The following GALK2 variants were observed in gnomAD, a reference collection of about 807,000 sequenced individuals.
The protein encoded by GALK2 is galactokinase 2.
GALK2 carries 36 observed loss-of-function variants against 52.4 expected under a neutral mutation model. The observed-to-expected ratio is 0.69, with a 90% confidence interval of 0.53 to 0.91. The LOEUF (loss-of-function observed/expected upper bound fraction) is 0.91. Ranked by LOEUF, GALK2 falls within the 40% of genes least tolerant of loss-of-function variation. The pLI is 0.00. For missense variants in GALK2, 579 were observed against 559.1 expected, an observed-to-expected ratio of 1.04 and a Z score of -0.36; for synonymous variants, 176 against 199.1, an observed-to-expected ratio of 0.88 and a Z score of 0.98.
At chr15:49,178,961 C>T (rs542033595) in intron 1 of GALK2, among the ~76,000 whole-genome samples, 11 of 152,226 alleles carry the variant, frequency 7.2e-5, no homozygotes, top group Non-Finnish European at 1.6e-4. Flanking sequence ...TTAATTTGCT[C>T]TTTAACTCTT....
intron 1 of GALK2, among the ~76,000 whole-genome samples, chr15:49,178,194 A>ATTATATATATAT (rs1566907035): frequency 2.5e-5 from 1 of 39,610 alleles, no homozygotes; most frequent in African/African-American, 1.2e-4. Context: ...AAAAAGAAAT[A>ATTATATATATAT]CTATATATAT....
intron 3 of GALK2, among the ~76,000 whole-genome samples, chr15:49,352,188 G>A (rs57252806): frequency 0.17 from 25,597 of 152,146 alleles, 2,416 homozygotes; most frequent in Non-Finnish European, 0.21. Flanking sequence ...CCAAGAGCAA[G>A]CATCCCAAAA....
At chr15:49,160,294 T>C (rs1354193715) in intron 1 of GALK2, among the ~76,000 whole-genome samples, 1 of 151,900 alleles carries the variant, frequency 6.6e-6, no homozygotes, top group Non-Finnish European at 1.5e-5. Flanking sequence ...AAAAAAAGAT[T>C]AATAATAATT....
chr15:49,361,882 T>C (rs566461196), intron 3 of GALK2, among the ~76,000 whole-genome samples: 1 of 152,210 alleles, frequency 6.6e-6, no homozygotes, highest in African/African-American at 2.4e-5. Context: ...AAGCATTCCT[T>C]TTCTCTGCAA....
At chr15:49,323,501 C>T (rs2151093241) in intron 9 of GALK2, among the ~76,000 whole-genome samples, 1 of 152,214 alleles carries the variant, frequency 6.6e-6, no homozygotes, top group East Asian at 1.9e-4. Context: ...TATGGCACTT[C>T]AAAATTCCTT....
intron 8 of GALK2, among the ~76,000 whole-genome samples, chr15:49,316,632 TAAAC>T (rs145216573): frequency 0.061 from 9,218 of 151,478 alleles, 562 homozygotes; most frequent in African/African-American, 0.15. Context: ...AATAAATAAA[TAAAC>T]AAGAAAAATC....
intron 8 of GALK2, among the ~76,000 whole-genome samples, chr15:49,301,381 C>G (rs1238879952): frequency 1.5e-4 from 23 of 152,130 alleles, no homozygotes; most frequent in Admixed American, 1.5e-3. Flanking sequence ...GCCTTACCCA[C>G]AGGTAGGAAT....
intron 1 of GALK2, among the ~76,000 whole-genome samples, chr15:49,188,473 A>G (rs2086513830): frequency 6.6e-6 from 1 of 152,198 alleles, no homozygotes; most frequent in African/African-American, 2.4e-5. Flanking sequence ...TTCTCTCTCC[A>G]TGCTACATGG....
intron 8 of GALK2, 134 bp from the exon 9 acceptor site, chr15:49,319,470 C>A: frequency 1.5e-6 from 1 of 683,328 alleles, no homozygotes. Context: ...ATCCTTTCAG[C>A]AAGAGAGACC....
At chr15:49,273,969 C>G (rs1024475113) in intron 5 of GALK2, among the ~76,000 whole-genome samples, 1 of 152,112 alleles carries the variant, frequency 6.6e-6, no homozygotes, top group African/African-American at 2.4e-5. Context: ...AGGGGACACC[C>G]AGGACTAGTT....
At chr15:49,183,510 GAA>G (rs2086122767) in intron 1 of GALK2, among the ~76,000 whole-genome samples, 1 of 152,134 alleles carries the variant, frequency 6.6e-6, no homozygotes, top group South Asian at 2.1e-4. Flanking sequence ...ATTGTTTTCA[GAA>G]AAGATACATG....
At chr15:49,186,031 C>T (rs1359585136) in intron 1 of GALK2, among the ~76,000 whole-genome samples, 1 of 151,974 alleles carries the variant, frequency 6.6e-6, no homozygotes. Context: ...CTTTTAGGAT[C>T]CTTTCTTTAT....
intron 5 of GALK2, among the ~76,000 whole-genome samples, chr15:49,244,893 T>C (rs892990447): frequency 1.3e-5 from 2 of 152,064 alleles, no homozygotes; most frequent in African/African-American, 4.8e-5. Context: ...TGTTCAACCA[T>C]GTGGAAAATG....
At chr15:49,332,050 G>C, downstream of GALK2, among the ~76,000 whole-genome samples, 1 of 151,514 alleles carries the variant, frequency 6.6e-6, no homozygotes, top group East Asian at 1.9e-4. Context: ...GGCTGAGATA[G>C]GTTCAGACAC....
intron 5 of GALK2, among the ~76,000 whole-genome samples, chr15:49,265,878 C>T (rs1445827243): frequency 6.6e-6 from 1 of 152,174 alleles, no homozygotes. Context: ...CCCACTCAAG[C>T]CAGCTTCATT....
chr15:49,358,728 A>T (rs2043628929), intron 3 of GALK2, among the ~76,000 whole-genome samples: 1 of 151,882 alleles, frequency 6.6e-6, no homozygotes, highest in African/African-American at 2.4e-5. Flanking sequence ...ACAGAATTGG[A>T]AAAAACTACT....
intron 3 of GALK2, among the ~76,000 whole-genome samples, chr15:49,355,295 C>CTACG (rs1567136616): frequency 1.3e-5 from 2 of 152,088 alleles, no homozygotes; most frequent in African/African-American, 4.8e-5. Context: ...TTACTCTGAG[C>CTACG]TACGGGAGGA....
chr15:49,285,935 C>T (rs992359464), intron 7 of GALK2, among the ~76,000 whole-genome samples: 1 of 152,176 alleles, frequency 6.6e-6, no homozygotes, highest in Non-Finnish European at 1.5e-5. Flanking sequence ...ACCTCATCCT[C>T]TTCATCTCTT....
At chr15:49,251,119 G>A (rs1595836621) in intron 5 of GALK2, among the ~76,000 whole-genome samples, 1 of 152,050 alleles carries the variant, frequency 6.6e-6, no homozygotes, top group Non-Finnish European at 1.5e-5. Context: ...ACCTGACAAG[G>A]ACATCACAAG....
Sources: gnomAD v4.1 joint callset for allele counts (sites outside exome capture counted in the v4.1 genomes callset) on GRCh38, gnomAD v4.1.1 for gene constraint, MANE v1.5 for transcripts, NCBI Gene and HGNC (gene_info 2026-07-23, HGNC 2026-07-21) for gene names.